Variants in CYFIP2 observed in about 807,000 individuals in gnomAD.
CYFIP2 encodes the protein cytoplasmic FMR1-interacting protein 2.
A neutral mutation model predicts 158.7 loss-of-function variants in CYFIP2; 29 were observed. The observed-to-expected ratio is 0.18, with a 90% CI of 0.14 to 0.25. The LOEUF (loss-of-function observed/expected upper bound fraction) is 0.25, where lower values mean the gene tolerates loss of function less well. CYFIP2 is among the 10% of genes least tolerant of loss of function. The pLI, the probability that CYFIP2 is intolerant of heterozygous loss-of-function variation, is 1.00. For missense variants in CYFIP2, 852 were observed against 1,639.5 expected (o/e 0.52, Z 8.29); for synonymous variants, 585 against 617.6 (o/e 0.95, Z 0.78).
chr5:157,332,241 G>T (rs990283072), intron 20 of CYFIP2, among the ~76,000 whole-genome samples: 3 of 152,212 alleles, frequency 2.0e-5, no homozygotes, highest in South Asian at 4.1e-4. Context: ...CAGGGAAGTT[G>T]AAAGAATAAT....
intron 23 of CYFIP2, among the ~76,000 whole-genome samples, chr5:157,358,111 G>T (rs535052960): frequency 1.3e-5 from 2 of 152,302 alleles, no homozygotes; most frequent in East Asian, 3.9e-4. Context: ...CTGGCATTAG[G>T]TGCTCCGTAA....
chr5:157,312,420 A>G (rs1340979654), intron 11 of CYFIP2, among the ~76,000 whole-genome samples: 1 of 152,156 alleles, frequency 6.6e-6, no homozygotes, highest in Non-Finnish European at 1.5e-5. Context: ...AAATCCTACC[A>G]TCCCAGAACC....
chr5:157,271,947 C>T (rs750839735), intron 1 of CYFIP2, among the ~76,000 whole-genome samples: 6 of 152,178 alleles, frequency 3.9e-5, no homozygotes, highest in Non-Finnish European at 7.4e-5. Context: ...TATGACAGCC[C>T]CAGGGCCCCA....
chr5:157,307,671 G>A, intron 8 of CYFIP2, 90 bp from the exon 9 acceptor site: 1 of 680,924 alleles, frequency 1.5e-6, no homozygotes, highest in South Asian at 1.7e-5. Flanking sequence ...GTGTGTGTGT[G>A]TGTGACACAT....
At chr5:157,391,657 C>A (rs1561795623) in intron 30 of CYFIP2, among the ~76,000 whole-genome samples, 1 of 152,054 alleles carries the variant, frequency 6.6e-6, no homozygotes, top group Non-Finnish European at 1.5e-5. Flanking sequence ...GTATATAGAC[C>A]ACGTTGTGTT....
In CYFIP2 at chr5:157,361,690, G is replaced by T; in HGVS notation, c.3039+92G>T. The T allele has an allele frequency of 6.7e-7, 1 of 1,488,926 alleles. No homozygotes were observed. The highest frequency in any genetic ancestry group is 9.2e-7 in the Non-Finnish European group (1 of 1,089,254). The allele number at this position is 1,488,926 out of a possible 1,614,324, so 92.2% of individuals were successfully genotyped here. A position where few individuals can be genotyped will look rare whatever the true frequency, so the allele number is the denominator to read the frequency against. ...ATTGAGGCTCCTGCAGCATTGATTT[G>T]TGCTTTGAGTACAAGCTCACATGCT... is the stretch of plus-strand genomic sequence containing the variant. On this transcript the variant is annotated intron_variant, in intron 26 of 30. Transcript: ENST00000620254. This position sits in a 1 kb window ranked among gnomAD's most constrained non-coding sequence, Gnocchi z 4.4.
chr5:157,300,880 C>A lies in CYFIP2; in HGVS notation c.553C>A (p.His185Asn). 6.3e-7 allele frequency: 1 copy of A among 1,594,024 alleles called. No homozygotes were observed. Among genetic ancestry groups the A allele is most frequent in the Admixed American group, 1.7e-5 (1 of 58,814 alleles). ...CATGAAGTGCAGCGTCAAGAATGAC[C>A]ACTCTGCCTACAAGAGGTCAGGGCA... ...KNMKCSVKND[H>N]SAYKRAAQFL... is the part of the protein sequence containing the mutation. The change falls in exon 6 of 31, where the codon CAC becomes AAC. Residue 185 changes from histidine (H) to asparagine (N), a missense_variant. Physicochemically the swap from His to Asn is moderately conservative, Grantham distance 68. Around this residue, in one of 8 missense-constraint regions of CYFIP2, gnomAD observed 123 missense variants for 316.7 expected, o/e 0.39. Coordinates refer to ENST00000620254, the MANE Select transcript of CYFIP2 (RefSeq NM_001037333.3).
chr5:157,301,174 G>A (rs565506249), intron 6 of CYFIP2, among the ~76,000 whole-genome samples: 1 of 152,334 alleles, frequency 6.6e-6, no homozygotes, highest in South Asian at 2.1e-4. Flanking sequence ...AGCATTTTAT[G>A]TTGCCCCATG....
intron 23 of CYFIP2, among the ~76,000 whole-genome samples, chr5:157,352,690 G>T (rs1189143323): frequency 6.6e-6 from 1 of 152,198 alleles, no homozygotes; most frequent in African/African-American, 2.4e-5. Context: ...GGTTTAGAAG[G>T]CTGAGAATGT....
In CYFIP2 at chr5:157,267,754, C is replaced by T. The variant is rs1755728407; in HGVS notation, c.-24+1559C>T. Among the ~76,000 whole-genome samples the T allele has an allele frequency of 2.6e-5, 4 of 152,354 alleles. No individual in the cohort carries two copies. In the South Asian group the frequency reaches 8.3e-4, roughly 32 times the overall value. On this transcript the variant is annotated intron_variant, in intron 1 of 30. Coordinates refer to ENST00000620254, the MANE Select transcript of CYFIP2 (RefSeq NM_001037333.3). ...TGGGAAACAAAGCTTTAATGGGAAA[C>T]ACTGTAGAAATATTTGCTATCACTA...
rs73814083 is a variant in CYFIP2, at chr5:157,279,166, A to G, written c.-23-6173A>G. Among the ~76,000 whole-genome samples, 1,169 of 152,344 alleles carry G rather than the reference A, an allele frequency of 7.7e-3. 19 individuals carry two copies. The highest frequency in any genetic ancestry group is 0.027 in the African/African-American group (1,114 of 41,572). ...GTTAAGTATTCTACATGCTGTAGTT[A>G]TATAATCAAAATAAACATTGAGGAC... On this transcript the variant is annotated intron_variant, in intron 1 of 30. Transcript: ENST00000620254.
At chr5:157,389,164 G>A in intron 28 of CYFIP2, 25 bp from the exon 29 acceptor site, 1 of 1,579,170 alleles carries the variant, frequency 6.3e-7, no homozygotes, top group Non-Finnish European at 8.6e-7. Flanking sequence ...GTGGATAGAA[G>A]GTGTATGTGC....
intron 19 of CYFIP2, among the ~76,000 whole-genome samples, chr5:157,330,372 T>C (rs1761361771): frequency 6.6e-6 from 1 of 152,156 alleles, no homozygotes; most frequent in African/African-American, 2.4e-5. Context: ...TTTGTGTTTA[T>C]ATTATCAGTC....
At chr5:157,340,073 A>G (rs1202579706) in intron 22 of CYFIP2, among the ~76,000 whole-genome samples, 1 of 152,276 alleles carries the variant, frequency 6.6e-6, no homozygotes, top group Non-Finnish European at 1.5e-5. Context: ...ACACATACGC[A>G]TGACAAAGTG....
At chr5:157,343,489 G>A in intron 23 of CYFIP2, 3 of 1,600,142 alleles carry the variant, frequency 1.9e-6, no homozygotes, top group Non-Finnish European at 1.7e-6. Context: ...AGGACGACCA[G>A]GAGATGATGG....
rs1407363526 is a variant in CYFIP2 at position 157,300,891 on chromosome 5, C to T, written c.564C>T (p.Tyr188=). The change falls in exon 6 of 31, where the codon TAC becomes TAT. Residue 188 remains tyrosine, a synonymous_variant. Coordinates refer to ENST00000620254, the MANE Select transcript of CYFIP2 (RefSeq NM_001037333.3). ...KCSVKNDHSA[Y]KRAAQFLRKM... ...GCGTCAAGAATGACCACTCTGCCTA[C>T]AAGAGGTCAGGGCAACCTCCCCCTC... The T allele has an allele frequency of 1.3e-6, 2 of 1,574,216 alleles. No individual in the cohort carries two copies.
chr5:157,380,668 A>G (rs561376908), intron 26 of CYFIP2, among the ~76,000 whole-genome samples: 1 of 152,258 alleles, frequency 6.6e-6, no homozygotes, highest in African/African-American at 2.4e-5. Context: ...ACAAAATGTT[A>G]GCAAATAAAA....
intron 26 of CYFIP2, chr5:157,363,470 G>C (rs1047437639): frequency 6.6e-6 from 1 of 152,396 alleles, no homozygotes; most frequent in African/African-American, 2.4e-5. Context: ...GGGGAGGGGA[G>C]CTGTGAAGGA....
At position 157,311,612 on chromosome 5, in the gene CYFIP2, A is replaced by G; in HGVS notation, c.993-52A>G. On this transcript the variant is annotated intron_variant, in intron 10 of 30. Transcript: ENST00000620254. This position sits in a 1 kb window ranked among gnomAD's most constrained non-coding sequence, Gnocchi z 4.7. ...ACCAGGAGCAGCTAATGCCTGTTCCACCCAGGCGCCTGAGGCTGGGACCCT... is the reference window on the plus strand; with the variant it reads ...ACCAGGAGCAGCTAATGCCTGTTCCGCCCAGGCGCCTGAGGCTGGGACCCT... 6.6e-7 allele frequency: 1 copy of G among 1,509,958 alleles called. No individual in the cohort carries two copies. Among genetic ancestry groups the G allele is most frequent in the Non-Finnish European group, 9.0e-7 (1 of 1,111,962 alleles). The allele number at this position is 1,509,958 out of a possible 1,614,324, so 93.5% of individuals were successfully genotyped here.
Sources: gnomAD v4.1 joint callset for allele counts (sites outside exome capture counted in the v4.1 genomes callset) on GRCh38, gnomAD v4.1.1 for gene constraint, gnomAD v4.1.1 regional missense constraint, Gnocchi (gnomAD v3.1) non-coding constraint, MANE v1.5 for transcripts, NCBI Gene and HGNC (gene_info 2026-07-23, HGNC 2026-07-21) for gene names.